Variants in ANAPC2 observed in about 807,000 individuals in gnomAD.
ANAPC2 encodes the protein anaphase-promoting complex subunit 2.
ANAPC2 carries 29 observed loss-of-function variants against 84.3 expected under a neutral mutation model. That is an observed-to-expected ratio of 0.34 (90% CI 0.26 to 0.47). ANAPC2 has a LOEUF of 0.47. ANAPC2 is among the 20% of genes least tolerant of loss of function. The pLI, the probability that ANAPC2 is intolerant of heterozygous loss-of-function variation, is 1.00. For missense variants in ANAPC2, 857 were observed against 1,131.7 expected (o/e 0.76, Z 3.48); for synonymous variants, 571 against 479.4 (o/e 1.19, Z -2.50).
At chr9:137,175,556 G>C in intron 11 of ANAPC2, 84 bp from the exon 12 acceptor site, 1 of 1,479,636 alleles carries the variant, frequency 6.8e-7, no homozygotes, top group Non-Finnish European at 9.0e-7. Flanking sequence ...AGGTCGGGGG[G>C]CTCCCGGGCC....
chr9:137,176,683 C>A (rs1834221818), intron 10 of ANAPC2: 1 of 152,288 alleles, frequency 6.6e-6, no homozygotes, highest in South Asian at 2.1e-4. Context: ...GCAATGCCGA[C>A]CCAACAGGTG....
chr9:137,179,763 CAGAGG>C (rs1834301177), intron 10 of ANAPC2, among the ~76,000 whole-genome samples: 1 of 152,202 alleles, frequency 6.6e-6, no homozygotes, highest in African/African-American at 2.4e-5. Flanking sequence ...CTGCCCTGGG[CAGAGG>C]GCAGCCCTGG....
chr9:137,180,434 G>C lies in ANAPC2; in HGVS notation c.1686+18C>G. The C allele has an allele frequency of 6.2e-7, 1 of 1,612,776 alleles. No individual in the cohort carries two copies. ...GGACCTGCGGGGCGGCCGGGCAGCGGGCGGGGCTGGGACCCACCTTCAGCA... is the reference window on the plus strand; with the variant it reads ...GGACCTGCGGGGCGGCCGGGCAGCGCGCGGGGCTGGGACCCACCTTCAGCA... On this transcript the variant is annotated intron_variant, in intron 9 of 12. Transcript: ENST00000323927.
chr9:137,179,069 CCCCG>C (rs906198766), intron 10 of ANAPC2, among the ~76,000 whole-genome samples: 45 of 152,324 alleles, frequency 3.0e-4, no homozygotes, highest in Middle Eastern at 3.4e-3. Flanking sequence ...TTGAACTCAG[CCCCG>C]CCCGCCCGCC....
intron 11 of ANAPC2, 67 bp downstream of exon 11, chr9:137,175,641 G>A: frequency 6.4e-7 from 1 of 1,555,662 alleles, no homozygotes; most frequent in Non-Finnish European, 8.7e-7. Flanking sequence ...CCTCACTGGG[G>A]AACAGCCCCT....
At chr9:137,186,196 G>A in intron 3 of ANAPC2, 28 bp downstream of exon 3, 1 of 1,608,024 alleles carries the variant, frequency 6.2e-7, no homozygotes, top group Non-Finnish European at 8.5e-7. Flanking sequence ...GTCTCCAGCG[G>A]GGCACAGCCC....
chr9:137,175,662 T>C, intron 11 of ANAPC2, 46 bp downstream of exon 11: 1 of 1,587,228 alleles, frequency 6.3e-7, no homozygotes, highest in Non-Finnish European at 8.6e-7. Context: ...CACCCACAGC[T>C]GGGCCGTGTG....
At position 137,188,528 on chromosome 9, in the gene ANAPC2, G is replaced by T. The variant is rs533337955; in HGVS notation, c.5C>A (p.Ala2Glu). 7 of 1,607,392 alleles carry T rather than the reference G, an allele frequency of 4.4e-6. No individual in the cohort carries two copies. The South Asian group carries it at 6.6e-5, about 15-fold the overall frequency. Residue 2 changes from alanine (A) to glutamate (E), a missense_variant, in exon 1 of 13, where the codon GCG becomes GAG. Physicochemically the swap from Ala to Glu is moderately radical, Grantham distance 107 (BLOSUM62 -1). This residue lies in a region of ANAPC2 where 428 missense variants were observed against 513.8 expected (regional missense o/e 0.83). Transcript: ENST00000323927. M[A>E]AAVVVAEGDS... The stretch of plus-strand genomic sequence containing the variant: ...CCCCTCCGCCACCACAACTGCCGCC[G>T]CCATCTGCACCCACCGACTCCGAGA...
Position 137,180,177 on chromosome 9 carries a change from G to A in ANAPC2, c.1890+4C>T, listed in dbSNP as rs1275903646. 1 of 1,612,804 alleles carries A rather than the reference G, an allele frequency of 6.2e-7. No homozygotes were observed. Among genetic ancestry groups the A allele is most frequent in the Non-Finnish European group, 8.5e-7 (1 of 1,179,526 alleles). ...GCCCATGGGGTGGCCTGGCATGGAGGTACCTTGAGCTGCTCATACTTCTTG... is the reference window on the plus strand; with the variant it reads ...GCCCATGGGGTGGCCTGGCATGGAGATACCTTGAGCTGCTCATACTTCTTG... On this transcript the variant is annotated splice_donor_region_variant and intron_variant, in intron 10 of 12. Transcript: ENST00000323927.
At chr9:137,185,935 C>T (rs1299944827) in intron 3 of ANAPC2, among the ~76,000 whole-genome samples, 4 of 152,220 alleles carry the variant, frequency 2.6e-5, no homozygotes, top group Non-Finnish European at 5.9e-5. Flanking sequence ...CTGGTGGGCC[C>T]AGCTTCGCCA....
chr9:137,178,353 G>A (rs1439667187), intron 10 of ANAPC2, among the ~76,000 whole-genome samples: 1 of 152,230 alleles, frequency 6.6e-6, no homozygotes, highest in Non-Finnish European at 1.5e-5. Context: ...CAGCCCCGGG[G>A]CCTCCCTGAG....
intron 3 of ANAPC2, 45 bp downstream of exon 3, chr9:137,186,179 C>G (rs1287700384): frequency 8.1e-6 from 13 of 1,598,144 alleles, no homozygotes; most frequent in Admixed American, 1.7e-5. Context: ...CAGAAACCTA[C>G]TCCCCTGTCT....
chr9:137,188,342 G>C (rs1251684852), intron 1 of ANAPC2, 74 bp downstream of exon 1: 9 of 1,489,884 alleles, frequency 6.0e-6, no homozygotes, highest in Non-Finnish European at 8.2e-6. Flanking sequence ...GTATGAACCC[G>C]AGGGTAGCGG....
rs9775873 is a variant in ANAPC2 at position 137,182,861 on chromosome 9, G to A, written c.1286+264C>T. Among the ~76,000 whole-genome samples, 534 of 152,342 alleles carry A rather than the reference G, an allele frequency of 3.5e-3. 1 individual carries two copies. The highest frequency in any genetic ancestry group is 0.012 in the African/African-American group (516 of 41,574). On this transcript the variant is annotated intron_variant, in intron 6 of 12. Transcript: ENST00000323927. ...TGGAAGAGCTTCTCTCTGTGCTGGA[G>A]ATGGGGAGGCTGAGGAAGGGCTGTG...
At chr9:137,181,336 G>A (rs1019009035) in intron 7 of ANAPC2, among the ~76,000 whole-genome samples, 5 of 152,202 alleles carry the variant, frequency 3.3e-5, no homozygotes, top group East Asian at 3.8e-4. Flanking sequence ...GCACCCTAAC[G>A]GGACTTTGAG....
intron 10 of ANAPC2, among the ~76,000 whole-genome samples, chr9:137,179,805 G>A (rs1036895374): frequency 3.9e-5 from 6 of 152,206 alleles, no homozygotes; most frequent in South Asian, 2.1e-4. Context: ...CTGCAGTGAC[G>A]CAAGGCACCC....
At chr9:137,178,414 G>A (rs925029984) in intron 10 of ANAPC2, among the ~76,000 whole-genome samples, 2 of 152,220 alleles carry the variant, frequency 1.3e-5, no homozygotes, top group Non-Finnish European at 2.9e-5. Context: ...GAGTGTGGCT[G>A]TCCCAGCACA....
chr9:137,183,162 G>A lies in ANAPC2; in HGVS notation c.1249C>T (p.Leu417=). Residue 417 remains leucine, a synonymous_variant, in exon 6 of 13, where the codon CTG becomes TTG. Transcript: ENST00000323927. ...CGGATAGGCTCACAGGCCACCTCCA[G>A]GATGACCATGGAAGGGTCCAGCACG... ...LRVLDPSMVI[L]EVACEPIRRY... 2 of 1,613,172 alleles carry A rather than the reference G, an allele frequency of 1.2e-6. No individual in the cohort carries two copies. The highest frequency in any genetic ancestry group is 1.7e-6 in the Non-Finnish European group (2 of 1,179,942).
At position 137,184,915 on chromosome 9, in the gene ANAPC2, C is replaced by T. The variant is rs1448409852; in HGVS notation, c.1046G>A (p.Arg349Gln). ...LRIEELFSIV[R>Q]DFPDSRPAIE... ...CCCCAGGGCCGGGGCAGGACCACCT[C>T]GGACGATGCTGAAGAGCTCCTCGAT... The change falls in exon 4 of 13, where the codon CGA becomes CAA. Residue 349 changes from arginine (R) to glutamine (Q), a missense_variant and splice_region_variant. Arg to Gln is a conservative substitution (Grantham distance 43). Around this residue, in one of 3 missense-constraint regions of ANAPC2, gnomAD observed 428 missense variants for 513.8 expected, o/e 0.83. Coordinates refer to ENST00000323927, the MANE Select transcript of ANAPC2 (RefSeq NM_013366.4). 3 of 1,612,472 alleles carry T rather than the reference C, an allele frequency of 1.9e-6. No homozygotes were observed. Among genetic ancestry groups the T allele is most frequent in the Non-Finnish European group, 2.5e-6 (3 of 1,179,624 alleles).
Sources: allele counts gnomAD v4.1 joint callset (sites outside exome capture counted in the v4.1 genomes callset), GRCh38; gene constraint gnomAD v4.1.1; regional missense constraint gnomAD v4.1.1; transcripts MANE v1.5; gene names NCBI Gene and HGNC (gene_info 2026-07-23, HGNC 2026-07-21).